TTC28: variants seen among roughly 807,000 people sequenced by gnomAD.
The protein encoded by TTC28 is tetratricopeptide repeat domain 28, also known as tetratricopeptide repeat protein 28.
TTC28 carries 61 observed loss-of-function variants against 198.0 expected under a neutral mutation model. The observed-to-expected ratio is 0.31, with a 90% CI of 0.25 to 0.38. The LOEUF is 0.38. Ranked by LOEUF, TTC28 falls within the 10% of genes least tolerant of loss-of-function variation. TTC28 has a pLI of 1.00. For missense variants in TTC28, 2,678 were observed against 3,164.0 expected (o/e 0.85, Z 3.69); for synonymous variants, 1,171 against 1,297.8 (o/e 0.90, Z 2.10).
chr22:28,098,940 G>C lies in TTC28; in HGVS notation c.3522C>G (p.Ala1174=). 1 of 1,551,776 alleles carries C rather than the reference G, an allele frequency of 6.4e-7. No individual in the cohort carries two copies. The highest frequency in any genetic ancestry group is 8.7e-7 in the Non-Finnish European group (1 of 1,147,006). ...LFDLQTSSYQ[A]LQRVLVSLGH... is the part of the protein sequence containing the mutation. ...CTAGGCTGACGAGCACCCGCTGCAA[G>C]GCCTGGTAGGATGATGTCTGCAGGT... Residue 1174 remains alanine, a synonymous_variant, in exon 10 of 23, where the codon GCC becomes GCG. Transcript: ENST00000397906.
rs1041432322 is a variant in TTC28 at position 27,993,146 on chromosome 22, G to A, written c.5476+141C>T. 10 of 732,064 alleles carry A rather than the reference G, an allele frequency of 1.4e-5. No individual in the cohort carries two copies. The African/African-American group carries it at 1.4e-4, about 10-fold the overall frequency. 45.3% of individuals were successfully genotyped at this position (732,064 alleles called of 1,614,324 possible). ...CAGGTGTGGAGATGCTTGTATCTGG[G>A]ACCCCCTGCCATTTCTCAGGACACC... On this transcript the variant is annotated intron_variant, in intron 18 of 22. Coordinates refer to ENST00000397906, the MANE Select transcript of TTC28 (RefSeq NM_001145418.2).
At chr22:28,138,159 C>T (rs1446853212) in intron 6 of TTC28, among the ~76,000 whole-genome samples, 1 of 152,188 alleles carries the variant, frequency 6.6e-6, no homozygotes, top group Non-Finnish European at 1.5e-5. Flanking sequence ...TAAACACTTT[C>T]TAACAAGTTT....
chr22:28,163,328 C>T lies in TTC28; in HGVS notation c.1205G>A (p.Ser402Asn). Residue 402 changes from serine to asparagine, a missense_variant, in exon 6 of 23, where the codon AGT (serine) becomes AAT (asparagine). Transcript: ENST00000397906. ...EEARAYSNLGSAYHYRRNFDK... is the reference protein window; with the variant it reads ...EEARAYSNLGNAYHYRRNFDK... ...AAAGTTCCTCCGGTAGTGATAGGCA[C>T]TGCCCAGGTTGCTATAAGCCCGGGC... is the stretch of plus-strand genomic sequence containing the variant. 4 of 1,552,132 alleles carry T rather than the reference C, an allele frequency of 2.6e-6. No individual in the cohort carries two copies. The highest frequency in any genetic ancestry group is 1.4e-5 in the African/African-American group (1 of 73,182).
intron 2 of TTC28, among the ~76,000 whole-genome samples, chr22:28,495,618 T>C (rs978053150): frequency 1.3e-5 from 2 of 152,104 alleles, no homozygotes; most frequent in East Asian, 1.9e-4. Context: ...ATACAAAAAA[T>C]AGTGAATTAA....
intron 2 of TTC28, among the ~76,000 whole-genome samples, chr22:28,460,605 T>TGGTA (rs1568957987): frequency 7.7e-6 from 1 of 129,586 alleles, no homozygotes; most frequent in African/African-American, 2.9e-5. Context: ...AGATGATTAA[T>TGGTA]GGTAGATAGA....
At position 28,513,779 on chromosome 22, in the gene TTC28, CAT is replaced by C. The variant is rs1351550987; in HGVS notation, c.381+115771_381+115772del. Among the ~76,000 whole-genome samples the C allele has an allele frequency of 7.2e-5, 11 of 151,832 alleles. No homozygotes were observed. The South Asian group carries it at 1.7e-3, about 23-fold the overall frequency. On this transcript the variant is annotated intron_variant, in intron 2 of 22. Coordinates refer to ENST00000397906, the MANE Select transcript of TTC28 (RefSeq NM_001145418.2). The stretch of plus-strand genomic sequence containing the variant: ...AAAAATATACATATATCTATACAGA[CAT>C]ATATGTTTCTTATATGTATATATGT...
chr22:28,287,868 G>A (rs1035858341), intron 5 of TTC28, among the ~76,000 whole-genome samples: 1 of 152,070 alleles, frequency 6.6e-6, no homozygotes, highest in Non-Finnish European at 1.5e-5. Context: ...TCAGGGCAGG[G>A]TTAAAACAGG....
At chr22:28,494,560 A>C (rs1209121615) in intron 2 of TTC28, among the ~76,000 whole-genome samples, 2 of 152,158 alleles carry the variant, frequency 1.3e-5, no homozygotes, top group African/African-American at 2.4e-5. Flanking sequence ...CACTGGAATG[A>C]ATTATTTGCC....
At chr22:28,211,471 A>C (rs927389746) in intron 5 of TTC28, among the ~76,000 whole-genome samples, 7 of 152,004 alleles carry the variant, frequency 4.6e-5, no homozygotes, top group African/African-American at 1.7e-4. Context: ...AAAAAAGCAG[A>C]GGTTACAATC....
At chr22:28,326,353 T>G (rs2045530003) in intron 2 of TTC28, among the ~76,000 whole-genome samples, 2 of 152,116 alleles carry the variant, frequency 1.3e-5, no homozygotes, top group Non-Finnish European at 1.5e-5. Context: ...TTAAGTCTAG[T>G]GGTAGTTAAA....
At chr22:28,262,499 C>T (rs920255024) in intron 5 of TTC28, among the ~76,000 whole-genome samples, 1 of 152,096 alleles carries the variant, frequency 6.6e-6, no homozygotes, top group African/African-American at 2.4e-5. Flanking sequence ...TTATTTACAT[C>T]AAAGTATCTC....
intron 5 of TTC28, among the ~76,000 whole-genome samples, chr22:28,166,293 G>A (rs183392758): frequency 1.3e-5 from 2 of 152,130 alleles, no homozygotes; most frequent in Admixed American, 1.3e-4. Flanking sequence ...AGGATATCCA[G>A]GAATTGAACT....
chr22:28,555,373 G>C (rs2049770552), intron 2 of TTC28, among the ~76,000 whole-genome samples: 2 of 152,126 alleles, frequency 1.3e-5, no homozygotes, highest in Non-Finnish European at 2.9e-5. Context: ...AAGTCATTAT[G>C]CAAAAAGATA....
At chr22:28,034,549 T>A (rs572438576) in intron 12 of TTC28, among the ~76,000 whole-genome samples, 1 of 152,356 alleles carries the variant, frequency 6.6e-6, no homozygotes, top group African/African-American at 2.4e-5. Flanking sequence ...AAAAGAGGAC[T>A]CTGTTCTTGT....
chr22:28,277,698 A>G (rs1303590978), intron 5 of TTC28, among the ~76,000 whole-genome samples: 2 of 152,244 alleles, frequency 1.3e-5, no homozygotes, highest in African/African-American at 2.4e-5. Flanking sequence ...TTAGAAAACC[A>G]TAAGTATAAC....
chr22:28,056,544 T>G (rs760255887), intron 12 of TTC28: 2 of 152,238 alleles, frequency 1.3e-5, no homozygotes. Flanking sequence ...TGTAATTCAA[T>G]GTAAATTACA....
At chr22:28,048,607 C>T (rs1446019706) in intron 12 of TTC28, among the ~76,000 whole-genome samples, 5 of 152,160 alleles carry the variant, frequency 3.3e-5, no homozygotes, top group South Asian at 4.2e-4. Flanking sequence ...ACTAGCACAT[C>T]GATTAGGCCT....
chr22:28,596,799 T>C (rs1201917903), intron 2 of TTC28, among the ~76,000 whole-genome samples: 2 of 152,194 alleles, frequency 1.3e-5, no homozygotes, highest in African/African-American at 4.8e-5. Context: ...TCATGATGAG[T>C]GCCAGACAGA....
At chr22:28,421,011 A>G (rs537850605) in intron 2 of TTC28, among the ~76,000 whole-genome samples, 1 of 152,150 alleles carries the variant, frequency 6.6e-6, no homozygotes, top group East Asian at 1.9e-4. Context: ...TCCAAAAAGT[A>G]TCATAATTAT....
Sources: allele counts gnomAD v4.1 joint callset (sites outside exome capture counted in the v4.1 genomes callset), GRCh38; gene constraint gnomAD v4.1.1; transcripts MANE v1.5; gene names NCBI Gene and HGNC (gene_info 2026-07-23, HGNC 2026-07-21).